The following SRD5A2 variants were observed in gnomAD, a reference collection of about 807,000 sequenced individuals.
The protein encoded by SRD5A2 is 3-oxo-5-alpha-steroid 4-dehydrogenase 2.
SRD5A2 carries 30 observed loss-of-function variants against 27.4 expected under a neutral mutation model. The observed-to-expected ratio is 1.10, with a 90% CI of 0.82 to 1.49. SRD5A2 has a LOEUF of 1.49. Ranked by LOEUF, SRD5A2 falls within the 40% of genes most tolerant of loss-of-function variation. The pLI is 0.00. For missense variants in SRD5A2, 348 were observed against 323.4 expected (o/e 1.08, Z -0.58); for synonymous variants, 141 against 133.6 (o/e 1.06, Z -0.38).
chr2:31,600,877 T>G, the SRD5A2 span, among the ~76,000 whole-genome samples: 1 of 151,924 alleles, frequency 6.6e-6, no homozygotes, highest in African/African-American at 2.4e-5. Context: ...AAGTGGGATT[T>G]CTTCCAGGGA....
chr2:31,588,505 C>T, the SRD5A2 span, among the ~76,000 whole-genome samples: 3 of 151,978 alleles, frequency 2.0e-5, no homozygotes, highest in Admixed American at 6.6e-5. Flanking sequence ...AATCTTTTAC[C>T]TTAGAATAAT....
the SRD5A2 span, among the ~76,000 whole-genome samples, chr2:31,630,633 T>C: frequency 3.3e-5 from 5 of 152,260 alleles, no homozygotes; most frequent in East Asian, 7.7e-4. Flanking sequence ...CAGAAGAAAG[T>C]AGAAAAATAA....
At chr2:31,627,403 G>C in the SRD5A2 span, among the ~76,000 whole-genome samples, 4 of 150,112 alleles carry the variant, frequency 2.7e-5, no homozygotes, top group East Asian at 5.9e-4. Context: ...TCATAGAACA[G>C]CTCCTGTATT....
intron 1 of SRD5A2, among the ~76,000 whole-genome samples, chr2:31,555,342 C>G (rs1392835529): frequency 1.3e-5 from 2 of 152,112 alleles, no homozygotes; most frequent in East Asian, 3.9e-4. Flanking sequence ...CAGTCTTAGC[C>G]CATGTATTAA....
chr2:31,598,780 G>A, the SRD5A2 span, among the ~76,000 whole-genome samples: 1 of 151,524 alleles, frequency 6.6e-6, no homozygotes. Flanking sequence ...AAAACAAACA[G>A]GAAACAAATA....
At position 31,534,954 on chromosome 2, in the gene SRD5A2, G is replaced by A. The variant is rs186864576; in HGVS notation, c.282-1188C>T. On this transcript the variant is annotated intron_variant, in intron 1 of 4. Coordinates refer to ENST00000622030, the MANE Select transcript of SRD5A2 (RefSeq NM_000348.4). Reference sequence around the variant, plus strand: ...TATCTAATTTGATGCTTCCTATGAAGAAGCACATTTTAAATTATGGAGTGA... The same window carrying A: ...TATCTAATTTGATGCTTCCTATGAAAAAGCACATTTTAAATTATGGAGTGA... 1.4e-3 allele frequency among the ~76,000 whole-genome samples: 208 copies of A among 152,076 alleles called. 1 individual carries two copies. The highest frequency in any genetic ancestry group is 0.014 in the Middle Eastern group (4 of 294).
the SRD5A2 span, among the ~76,000 whole-genome samples, chr2:31,655,933 G>A: frequency 6.6e-6 from 1 of 152,084 alleles, no homozygotes; most frequent in Admixed American, 6.5e-5. Flanking sequence ...GGCTGTGAGG[G>A]GACACATCTT....
At chr2:31,581,319 C>A (rs1437186662), upstream of SRD5A2, among the ~76,000 whole-genome samples, 2 of 152,320 alleles carry the variant, frequency 1.3e-5, no homozygotes, top group Middle Eastern at 3.4e-3. Context: ...TCGGTCACCA[C>A]GCAGTCCCAC....
the SRD5A2 span, among the ~76,000 whole-genome samples, chr2:31,620,796 CATATTTTAT>C: frequency 1.3e-5 from 2 of 149,660 alleles, no homozygotes; most frequent in Non-Finnish European, 3.0e-5. Context: ...ATTTTACATG[CATATTTTAT>C]ATATTTTATA....
chr2:31,614,165 T>C, the SRD5A2 span, among the ~76,000 whole-genome samples: 1 of 152,178 alleles, frequency 6.6e-6, no homozygotes, highest in Non-Finnish European at 1.5e-5. Flanking sequence ...ATCTGAGACA[T>C]GGCAAGTCCC....
At chr2:31,543,881 C>T (rs1359872013) in intron 1 of SRD5A2, among the ~76,000 whole-genome samples, 1 of 152,000 alleles carries the variant, frequency 6.6e-6, no homozygotes, top group East Asian at 1.9e-4. Context: ...TTAAACTCTT[C>T]AACCAATATA....
the SRD5A2 span, among the ~76,000 whole-genome samples, chr2:31,611,289 T>A: frequency 3.3e-5 from 5 of 152,150 alleles, no homozygotes; most frequent in African/African-American, 1.2e-4. Context: ...AAATAAATGC[T>A]GTCATTATTT....
At chr2:31,640,594 T>C in the SRD5A2 span, among the ~76,000 whole-genome samples, 1 of 152,172 alleles carries the variant, frequency 6.6e-6, no homozygotes, top group African/African-American at 2.4e-5. Flanking sequence ...AGTTGGAGCA[T>C]TGCCTGTTCC....
At position 31,533,724 on chromosome 2, in the gene SRD5A2, T is replaced by C. The variant is rs1665965751; in HGVS notation, c.324A>G (p.Pro108=). The C allele has an allele frequency of 1.2e-6, 2 of 1,601,306 alleles. No individual in the cohort carries two copies. The highest frequency in any genetic ancestry group is 1.7e-6 in the Non-Finnish European group (2 of 1,173,870). ...YSLLNRGRPY[P]AILILRGTAF... ...CAGTGCCTCTGAGAATGAGTATAGCTGGATAAGGCCTCCCTCGATTGAGCA... is the reference window on the plus strand; with the variant it reads ...CAGTGCCTCTGAGAATGAGTATAGCCGGATAAGGCCTCCCTCGATTGAGCA... The change falls in exon 2 of 5, where the codon CCA becomes CCG. Residue 108 remains proline (P), a synonymous_variant. Transcript: ENST00000622030.
At chr2:31,569,460 C>CCCCATTGTG (rs1177363517) in intron 1 of SRD5A2, among the ~76,000 whole-genome samples, 2 of 152,086 alleles carry the variant, frequency 1.3e-5, no homozygotes, top group Admixed American at 6.5e-5. Context: ...CATAGTGATA[C>CCCCATTGTG]CCCATTGTGG....
chr2:31,528,038 C>A (rs1298953297), intron 4 of SRD5A2, among the ~76,000 whole-genome samples: 4 of 152,180 alleles, frequency 2.6e-5, no homozygotes, highest in African/African-American at 7.2e-5. Flanking sequence ...TGATAACAAC[C>A]TAATATATTA....
At chr2:31,621,675 A>C in the SRD5A2 span, among the ~76,000 whole-genome samples, 1 of 152,122 alleles carries the variant, frequency 6.6e-6, no homozygotes, top group East Asian at 1.9e-4. Flanking sequence ...TCTGTCACCC[A>C]GACTAGAGTG....
chr2:31,595,206 A>C, the SRD5A2 span, among the ~76,000 whole-genome samples: 2 of 152,210 alleles, frequency 1.3e-5, no homozygotes, highest in Admixed American at 6.5e-5. Flanking sequence ...TAAAAATATC[A>C]GTGCAAAACT....
intron 1 of SRD5A2, among the ~76,000 whole-genome samples, chr2:31,558,490 T>G (rs2148086200): frequency 6.6e-6 from 1 of 152,346 alleles, no homozygotes; most frequent in Admixed American, 6.5e-5. Context: ...TTTGCAGTCC[T>G]TGGCATTCCT....
Sources: allele counts gnomAD v4.1 joint callset (sites outside exome capture counted in the v4.1 genomes callset), GRCh38; gene constraint gnomAD v4.1.1; transcripts MANE v1.5; gene names NCBI Gene and HGNC (gene_info 2026-07-23, HGNC 2026-07-21).